PCDHGA6: variants seen among roughly 807,000 people sequenced by gnomAD.
PCDHGA6 encodes protocadherin gamma subfamily A, 6.
In PCDHGA6, 41 loss-of-function variants were observed where a neutral mutation model predicts 60.6. That is an observed-to-expected ratio of 0.68 (90% CI 0.53 to 0.88). The LOEUF (loss-of-function observed/expected upper bound fraction) is 0.88. PCDHGA6 is among the 40% of genes least tolerant of loss of function. PCDHGA6 has a pLI of 0.00. For missense variants in PCDHGA6, 1,312 were observed against 1,203.0 expected (o/e 1.09, Z -1.34); for synonymous variants, 594 against 524.4 (o/e 1.13, Z -1.81).
At chr5:141,380,806 A>G (rs1175015074) in intron 1 of PCDHGA6, among the ~76,000 whole-genome samples, 1 of 152,258 alleles carries the variant, frequency 6.6e-6, no homozygotes, top group Non-Finnish European at 1.5e-5. Context: ...AACAAATGTG[A>G]GATGAAACTA....
chr5:141,398,576 C>T (rs1257000620), intron 1 of PCDHGA6: 4 of 1,613,968 alleles, frequency 2.5e-6, no homozygotes, highest in Non-Finnish European at 1.7e-6. Flanking sequence ...CAGCCTGGCA[C>T]AAGATTTATA....
intron 2 of PCDHGA6, among the ~76,000 whole-genome samples, chr5:141,500,381 T>G (rs1013284512): frequency 7.2e-5 from 11 of 151,786 alleles, no homozygotes; most frequent in African/African-American, 2.7e-4. Flanking sequence ...GCTAATTATT[T>G]TGTATTTTTA....
intron 1 of PCDHGA6, chr5:141,389,495 G>A (rs751415442): frequency 4.3e-6 from 7 of 1,613,020 alleles, no homozygotes; most frequent in Non-Finnish European, 5.9e-6. Context: ...ACCAGGGCTC[G>A]CCAGCGCTCA....
chr5:141,383,350 C>CG (rs766222030), intron 1 of PCDHGA6: 7 of 1,613,870 alleles, frequency 4.3e-6, no homozygotes, highest in Non-Finnish European at 5.9e-6. Context: ...TCCTGGGGTT[C>CG]GGTTTCCGTT....
chr5:141,444,463 G>A (rs570185430), intron 1 of PCDHGA6, among the ~76,000 whole-genome samples: 10 of 152,026 alleles, frequency 6.6e-5, no homozygotes, highest in Admixed American at 1.3e-4. Context: ...GAGTCACTGC[G>A]CCCGGTCGCG....
intron 1 of PCDHGA6, chr5:141,478,142 G>A: frequency 3.7e-6 from 6 of 1,613,988 alleles, no homozygotes; most frequent in Non-Finnish European, 4.2e-6. Flanking sequence ...AGCCCGAGCC[G>A]AGTTCCCCTC....
At chr5:141,457,568 T>A (rs1397626206) in intron 1 of PCDHGA6, among the ~76,000 whole-genome samples, 1 of 152,190 alleles carries the variant, frequency 6.6e-6, no homozygotes, top group African/African-American at 2.4e-5. Context: ...TGGAGCAAAA[T>A]TTTTCTCTCC....
chr5:141,467,775 C>T (rs1464827506), intron 1 of PCDHGA6, among the ~76,000 whole-genome samples: 1 of 151,960 alleles, frequency 6.6e-6, no homozygotes, highest in Non-Finnish European at 1.5e-5. Context: ...GCCCGCACCT[C>T]AGCCTCTCAA....
At chr5:141,392,820 G>T in intron 1 of PCDHGA6, 1 of 1,592,868 alleles carries the variant, frequency 6.3e-7, no homozygotes. Flanking sequence ...AACAATGGCC[G>T]CTCCACAGAG....
Position 141,485,870 on chromosome 5 carries a change from C to T in PCDHGA6, c.2425-8937C>T. The stretch of plus-strand genomic sequence containing the variant: ...CACCGCAGAGCTCCGGGTATCCGTG[C>T]TGGACGTAAACGACAACGCCCCAGC... On this transcript the variant is annotated intron_variant, in intron 1 of 3. Coordinates refer to ENST00000517434, the MANE Select transcript of PCDHGA6 (RefSeq NM_018919.3). This position sits in a 1 kb window ranked among gnomAD's most constrained non-coding sequence, Gnocchi z 5.7. 6.2e-7 allele frequency: 1 copy of T among 1,614,174 alleles called. No homozygotes were observed. The highest frequency in any genetic ancestry group is 8.5e-7 in the Non-Finnish European group (1 of 1,180,032).
intron 1 of PCDHGA6, chr5:141,404,463 A>C: frequency 6.2e-7 from 1 of 1,612,548 alleles, no homozygotes. Flanking sequence ...CTCTCCACCT[A>C]TGTCTCTATT....
intron 1 of PCDHGA6, among the ~76,000 whole-genome samples, chr5:141,402,229 AG>A (rs1400203598): frequency 6.6e-6 from 1 of 152,110 alleles, no homozygotes; most frequent in Non-Finnish European, 1.5e-5. Context: ...ACGTTTTTCC[AG>A]GAATTTTATC....
intron 1 of PCDHGA6, among the ~76,000 whole-genome samples, chr5:141,474,130 C>G (rs28684928): frequency 6.6e-6 from 1 of 152,160 alleles, no homozygotes; most frequent in Non-Finnish European, 1.5e-5. Context: ...TCTCAGAAAA[C>G]TACAGGCCTT....
At chr5:141,482,675 A>G (rs1258898440) in intron 1 of PCDHGA6, among the ~76,000 whole-genome samples, 1 of 149,114 alleles carries the variant, frequency 6.7e-6, no homozygotes, top group African/African-American at 2.5e-5. Context: ...AAGGTTGAGT[A>G]GTAGCTTGTC....
At chr5:141,415,123 G>T (rs1349224471) in intron 1 of PCDHGA6, 3 of 1,613,540 alleles carry the variant, frequency 1.9e-6, no homozygotes. Flanking sequence ...CGTAGTGGCC[G>T]TCCAGGACCA....
chr5:141,374,822 T>C lies in PCDHGA6; in HGVS notation c.739T>C (p.Tyr247His). Reference protein sequence around the residue: ...DNTPMFTQPVYRVSVPENLPV... With the variant: ...DNTPMFTQPVHRVSVPENLPV... Reference sequence around the variant, plus strand: ...CACTCCAATGTTTACTCAGCCTGTCTACCGTGTAAGTGTTCCTGAAAACCT... The same window carrying C: ...CACTCCAATGTTTACTCAGCCTGTCCACCGTGTAAGTGTTCCTGAAAACCT... The change falls in exon 1 of 4, where the codon TAC becomes CAC. Residue 247 changes from tyrosine (Y) to histidine (H), a missense_variant. Physicochemically the swap from Tyr to His is moderately conservative, Grantham distance 83 (BLOSUM62 2). Coordinates refer to ENST00000517434, the MANE Select transcript of PCDHGA6 (RefSeq NM_018919.3). The C allele has an allele frequency of 6.2e-7, 1 of 1,613,984 alleles. No individual in the cohort carries two copies. The highest frequency in any genetic ancestry group is 8.5e-7 in the Non-Finnish European group (1 of 1,179,904).
chr5:141,464,769 T>C (rs2154568595), intron 1 of PCDHGA6, among the ~76,000 whole-genome samples: 1 of 152,328 alleles, frequency 6.6e-6, no homozygotes. Flanking sequence ...ACAGGAATCT[T>C]GTTCTGTTGC....
At chr5:141,466,457 A>G (rs969935541) in intron 1 of PCDHGA6, among the ~76,000 whole-genome samples, 12 of 152,146 alleles carry the variant, frequency 7.9e-5, no homozygotes, top group Admixed American at 6.6e-4. Context: ...GGTGTTGGCT[A>G]TTGTTTCTGC....
chr5:141,485,899 C>A lies in PCDHGA6; in HGVS notation c.2425-8908C>A, dbSNP rs775312856. 12 of 1,614,166 alleles carry A rather than the reference C, an allele frequency of 7.4e-6. No individual in the cohort carries two copies. The highest frequency in any genetic ancestry group is 8.5e-6 in the Non-Finnish European group (10 of 1,180,032). On this transcript the variant is annotated intron_variant, in intron 1 of 3. Coordinates refer to ENST00000517434, the MANE Select transcript of PCDHGA6 (RefSeq NM_018919.3). The surrounding 1 kb of genome is among the most constrained non-coding windows in gnomAD (Gnocchi z 5.7). ...ACGTAAACGACAACGCCCCAGCCTT[C>A]CAGCAATCCAGCTACAGGATTAGTG...
Sources: allele counts gnomAD v4.1 joint callset (sites outside exome capture counted in the v4.1 genomes callset), GRCh38; gene constraint gnomAD v4.1.1; non-coding constraint Gnocchi (gnomAD v3.1); transcripts MANE v1.5; gene names NCBI Gene and HGNC (gene_info 2026-07-23, HGNC 2026-07-21).